FGGY: variants seen among roughly 807,000 people sequenced by gnomAD.
FGGY encodes the protein FGGY carbohydrate kinase domain containing.
A neutral mutation model predicts 71.3 loss-of-function variants in FGGY; 72 were observed. That is an observed-to-expected ratio of 1.01 (90% CI 0.84 to 1.23). FGGY has a LOEUF of 1.23. Ranked by LOEUF, FGGY falls within the 50% of genes most tolerant of loss-of-function variation. The probability of loss-of-function intolerance (pLI) is 0.00; values close to 1 mark genes in which losing one functional copy is unlikely to be tolerated. For missense variants in FGGY, 668 were observed against 682.3 expected (o/e 0.98, Z 0.23); for synonymous variants, 251 against 250.3 (o/e 1.00, Z -0.02).
At chr1:59,357,120 G>A (rs1020606095) in intron 4 of FGGY, among the ~76,000 whole-genome samples, 1 of 152,176 alleles carries the variant, frequency 6.6e-6, no homozygotes, top group African/African-American at 2.4e-5. Context: ...TACTGGACTT[G>A]TAACTAAATA....
At chr1:59,522,568 T>A (rs886822480) in intron 7 of FGGY, among the ~76,000 whole-genome samples, 2 of 152,190 alleles carry the variant, frequency 1.3e-5, no homozygotes, top group Non-Finnish European at 1.5e-5. Context: ...GGTGGAGAGA[T>A]AAACAATATT....
chr1:59,615,590 G>T (rs961222627), intron 9 of FGGY, among the ~76,000 whole-genome samples: 13 of 152,092 alleles, frequency 8.5e-5, no homozygotes, highest in African/African-American at 3.1e-4. Flanking sequence ...GCATGGGCAA[G>T]GACTTCATGA....
In FGGY at chr1:59,692,202, C is replaced by T. The variant is rs577778084; in HGVS notation, c.1512+18069C>T. 3.3e-5 allele frequency among the ~76,000 whole-genome samples: 5 copies of T among 152,248 alleles called. No individual in the cohort carries two copies. The South Asian group carries it at 6.2e-4, about 19-fold the overall frequency. Reference sequence around the variant, plus strand: ...GATACATGAATGGAAGTAAATGACCCGGACTTCCAACTCTAAATCTCTGTC... The same window carrying T: ...GATACATGAATGGAAGTAAATGACCTGGACTTCCAACTCTAAATCTCTGTC... On this transcript the variant is annotated intron_variant, in intron 14 of 15. Coordinates refer to ENST00000303721, the MANE Select transcript of FGGY (RefSeq NM_018291.5).
At chr1:59,635,953 G>C (rs893394456) in intron 10 of FGGY, among the ~76,000 whole-genome samples, 1 of 152,208 alleles carries the variant, frequency 6.6e-6, no homozygotes, top group African/African-American at 2.4e-5. Flanking sequence ...ACCTCTTGAA[G>C]CATCTCCTCT....
chr1:59,322,332 G>T (rs2046547379), intron 2 of FGGY, among the ~76,000 whole-genome samples: 1 of 150,404 alleles, frequency 6.6e-6, no homozygotes, highest in Non-Finnish European at 1.5e-5. Flanking sequence ...TGGGGAACAG[G>T]TGGTGTTTGG....
intron 5 of FGGY, among the ~76,000 whole-genome samples, chr1:59,445,212 C>G (rs2070949292): frequency 6.6e-6 from 1 of 152,216 alleles, no homozygotes; most frequent in South Asian, 2.1e-4. Flanking sequence ...CACTCAGCTT[C>G]TGAGGTATGC....
chr1:59,762,108 C>T (rs1457519923), intron 15 of FGGY, among the ~76,000 whole-genome samples: 1 of 150,050 alleles, frequency 6.7e-6, no homozygotes, highest in African/African-American at 2.5e-5. Context: ...CTCTTTCACC[C>T]AGGCTGGAGC....
intron 14 of FGGY, among the ~76,000 whole-genome samples, chr1:59,731,233 C>T (rs2098024158): frequency 6.6e-6 from 1 of 152,194 alleles, no homozygotes; most frequent in African/African-American, 2.4e-5. Flanking sequence ...TGCAAATGCC[C>T]ACAAACCACT....
intron 6 of FGGY, among the ~76,000 whole-genome samples, chr1:59,468,872 T>TAAAAA (rs397967555): frequency 4.2e-5 from 5 of 119,578 alleles, no homozygotes; most frequent in African/African-American, 1.6e-4. Flanking sequence ...ACTCTGTCTT[T>TAAAAA]AAAAAAAAAA....
chr1:59,311,795 C>T (rs1269110818), intron 1 of FGGY, among the ~76,000 whole-genome samples: 1 of 152,172 alleles, frequency 6.6e-6, no homozygotes, highest in Non-Finnish European at 1.5e-5. Flanking sequence ...ATTTCTGGTT[C>T]TAGATCCTTG....
At chr1:59,417,285 T>C (rs567112344) in intron 5 of FGGY, among the ~76,000 whole-genome samples, 60 of 152,368 alleles carry the variant, frequency 3.9e-4, no homozygotes, top group African/African-American at 1.4e-3. Flanking sequence ...TTTTAATTGA[T>C]AATACTCTGT....
chr1:59,410,161 T>G (rs1419631112), intron 5 of FGGY, among the ~76,000 whole-genome samples: 1 of 152,234 alleles, frequency 6.6e-6, no homozygotes, highest in Admixed American at 6.5e-5. Flanking sequence ...GCAATCTCAT[T>G]TCATTTCTAG....
intron 8 of FGGY, among the ~76,000 whole-genome samples, chr1:59,602,265 T>C (rs2096585501): frequency 6.6e-6 from 1 of 152,222 alleles, no homozygotes; most frequent in African/African-American, 2.4e-5. Flanking sequence ...CTGCAGCTTC[T>C]ATTTCCTCAT....
chr1:59,301,403 A>G (rs184678113), intron 1 of FGGY, among the ~76,000 whole-genome samples: 126 of 152,318 alleles, frequency 8.3e-4, no homozygotes, highest in African/African-American at 3.0e-3. Flanking sequence ...CTGTAAATAA[A>G]GATAGTTTTA....
At chr1:59,385,494 C>G (rs919825612) in intron 5 of FGGY, among the ~76,000 whole-genome samples, 4 of 152,144 alleles carry the variant, frequency 2.6e-5, no homozygotes, top group Admixed American at 6.6e-5. Flanking sequence ...CTTTGCAATT[C>G]AAGAACTGAA....
intron 5 of FGGY, among the ~76,000 whole-genome samples, chr1:59,437,183 G>A (rs1258058716): frequency 2.6e-5 from 4 of 152,164 alleles, no homozygotes; most frequent in African/African-American, 9.7e-5. Flanking sequence ...TTCCTGAGGA[G>A]CCCTGTGCTT....
At chr1:59,519,065 A>C (rs1399654021) in intron 7 of FGGY, among the ~76,000 whole-genome samples, 1 of 152,196 alleles carries the variant, frequency 6.6e-6, no homozygotes, top group Non-Finnish European at 1.5e-5. Context: ...TATACATACT[A>C]TTATTCTATT....
At chr1:59,541,316 C>T (rs372904546) in intron 7 of FGGY, among the ~76,000 whole-genome samples, 8 of 152,244 alleles carry the variant, frequency 5.3e-5, no homozygotes, top group East Asian at 1.9e-4. Flanking sequence ...GCCAGAATTT[C>T]GGCTATAGAT....
chr1:59,307,582 C>G (rs889604629), intron 1 of FGGY, among the ~76,000 whole-genome samples: 1 of 152,140 alleles, frequency 6.6e-6, no homozygotes, highest in African/African-American at 2.4e-5. Context: ...AAAAGATTAG[C>G]AAGGCCATCT....
Sources: gnomAD v4.1 joint callset for allele counts (sites outside exome capture counted in the v4.1 genomes callset) on GRCh38, gnomAD v4.1.1 for gene constraint, MANE v1.5 for transcripts, NCBI Gene and HGNC (gene_info 2026-07-23, HGNC 2026-07-21) for gene names.